The following NEDD4 variants were observed in gnomAD, a reference collection of about 807,000 sequenced individuals.
NEDD4 encodes E3 ubiquitin-protein ligase NEDD4.
A neutral mutation model predicts 144.9 loss-of-function variants in NEDD4; 99 were observed. The observed-to-expected ratio is 0.68, with a 90% CI of 0.58 to 0.81. NEDD4 has a LOEUF of 0.81. NEDD4 is among the 30% of genes least tolerant of loss of function. The probability of loss-of-function intolerance (pLI) is 0.00; values close to 1 mark genes in which losing one functional copy is unlikely to be tolerated. For missense variants in NEDD4, 985 were observed against 1,065.9 expected (o/e 0.92, Z 1.06); for synonymous variants, 318 against 350.6 (o/e 0.91, Z 1.04).
chr15:55,967,088 T>A (rs1196582605), intron 1 of NEDD4, among the ~76,000 whole-genome samples: 2 of 152,160 alleles, frequency 1.3e-5, no homozygotes, highest in Non-Finnish European at 2.9e-5. Context: ...GGTTTCACCA[T>A]TGGCTGGGCT....
intron 13 of NEDD4, 117 bp downstream of exon 13, chr15:55,852,307 A>T (rs1354078583): frequency 1.8e-5 from 22 of 1,232,816 alleles, no homozygotes; most frequent in Non-Finnish European, 2.3e-5. Context: ...AAAAAATAAA[A>T]AAAAAAAAGA....
chr15:55,918,551 A>T (rs886969691), intron 5 of NEDD4, among the ~76,000 whole-genome samples: 7 of 151,510 alleles, frequency 4.6e-5, no homozygotes, highest in African/African-American at 1.7e-4. Context: ...TCCTAAGTAA[A>T]AGCAAATATG....
At chr15:55,872,163 G>GTAAA (rs2034823930) in intron 7 of NEDD4, among the ~76,000 whole-genome samples, 1 of 152,022 alleles carries the variant, frequency 6.6e-6, no homozygotes, top group African/African-American at 2.4e-5. Flanking sequence ...AGTCTGATAA[G>GTAAA]TATTAGGAGA....
Position 55,842,136 on chromosome 15 carries a change from T to C in NEDD4, c.1636A>G (p.Lys546Glu), listed in dbSNP as rs530017275. 1 of 1,614,184 alleles carries C rather than the reference T, an allele frequency of 6.2e-7. No homozygotes were observed. Among genetic ancestry groups the C allele is most frequent in the South Asian group, 1.1e-5 (1 of 91,080 alleles). ...QNDIPNKFEMKLRRATVLEDS... is the reference protein window; with the variant it reads ...QNDIPNKFEMELRRATVLEDS... ...TCAAGAACAGTTGCTCGGCGAAGTTTCATTTCAAATTTGTTTGGAATGTCA... is the reference window on the plus strand; with the variant it reads ...TCAAGAACAGTTGCTCGGCGAAGTTCCATTTCAAATTTGTTTGGAATGTCA... The change falls in exon 19 of 29, where the codon AAA (lysine) becomes GAA (glutamate). Residue 546 changes from lysine to glutamate, a missense_variant. Physicochemically the swap from Lys to Glu is moderately conservative, Grantham distance 56. Coordinates refer to ENST00000435532, the MANE Select transcript of NEDD4 (RefSeq NM_006154.4).
At chr15:55,929,567 T>C (rs2036741087) in intron 4 of NEDD4, among the ~76,000 whole-genome samples, 2 of 152,168 alleles carry the variant, frequency 1.3e-5, no homozygotes, top group African/African-American at 4.8e-5. Flanking sequence ...CTTCCACTTA[T>C]AAGTGAGAAC....
intron 19 of NEDD4, among the ~76,000 whole-genome samples, chr15:55,841,624 C>T (rs1365875348): frequency 6.6e-6 from 1 of 152,126 alleles, no homozygotes; most frequent in Non-Finnish European, 1.5e-5. Flanking sequence ...GCTCTGTTGC[C>T]CAGGCTGGAG....
intron 26 of NEDD4, 43 bp from the exon 27 acceptor site, chr15:55,833,147 AGAG>A (rs763441769): frequency 2.4e-6 from 3 of 1,230,392 alleles, no homozygotes; most frequent in Non-Finnish European, 3.5e-6. Flanking sequence ...GCACTGGGAA[AGAG>A]GTAAACAAAT....
chr15:55,953,830 C>T (rs985736660), intron 2 of NEDD4, among the ~76,000 whole-genome samples: 1 of 152,198 alleles, frequency 6.6e-6, no homozygotes, highest in South Asian at 2.1e-4. Flanking sequence ...AAGCAATTCT[C>T]CTGCCTCAGC....
At chr15:55,838,729 TACAC>T in intron 21 of NEDD4, 125 bp from the exon 22 acceptor site, 4 of 615,978 alleles carry the variant, frequency 6.5e-6, no homozygotes, top group Non-Finnish European at 1.1e-5. Flanking sequence ...ATCCTTTACT[TACAC>T]ACATATATAA....
intron 1 of NEDD4, 140 bp downstream of exon 1, chr15:55,993,371 C>G (rs28567395): frequency 1.9e-6 from 2 of 1,051,746 alleles, no homozygotes; most frequent in Non-Finnish European, 2.6e-6. Context: ...CGCGGCGCCT[C>G]GCGCGCTCCC....
At chr15:55,955,118 C>G (rs562732402) in intron 2 of NEDD4, among the ~76,000 whole-genome samples, 1 of 151,446 alleles carries the variant, frequency 6.6e-6, no homozygotes, top group African/African-American at 2.4e-5. Context: ...GCCTCCCGGG[C>G]TCAAGCAATC....
Position 55,840,592 on chromosome 15 carries a change from T to C in NEDD4, c.1960+14A>G. On this transcript the variant is annotated intron_variant, in intron 20 of 28. Coordinates refer to ENST00000435532, the MANE Select transcript of NEDD4 (RefSeq NM_006154.4). ...AGGTAATTATATTGTAAAAAGTTTA[T>C]ACTTAATACTAACCATCCAACAGTT... The C allele has an allele frequency of 6.2e-7, 1 of 1,613,804 alleles. No homozygotes were observed. The highest frequency in any genetic ancestry group is 1.3e-5 in the African/African-American group (1 of 75,040).
At chr15:55,876,882 T>C (rs2035013573) in intron 5 of NEDD4, among the ~76,000 whole-genome samples, 1 of 151,966 alleles carries the variant, frequency 6.6e-6, no homozygotes, top group African/African-American at 2.4e-5. Context: ...TTTTCTTTTT[T>C]TTTAAAGAGA....
intron 4 of NEDD4, among the ~76,000 whole-genome samples, chr15:55,927,947 T>C (rs563770681): frequency 3.3e-5 from 5 of 152,326 alleles, no homozygotes; most frequent in African/African-American, 4.8e-5. Flanking sequence ...TTAATGAATA[T>C]TGCTAAGAAA....
In NEDD4 at chr15:55,839,981, AAAAAAAAAAAAAAAAAAAATAT is replaced by A. The variant is rs1287466786; in HGVS notation, c.2031+444_2031+465del. Among the ~76,000 whole-genome samples, 36 of 35,670 alleles carry A rather than the reference AAAAAAAAAAAAAAAAAAAATAT, an allele frequency of 1.0e-3. 1 individual carries two copies. Among genetic ancestry groups the A allele is most frequent in the African/African-American group, 3.6e-3 (36 of 10,066 alleles). 23.4% of individuals were successfully genotyped at this position (35,670 alleles called of 152,430 possible). On this transcript the variant is annotated intron_variant, in intron 21 of 28. Coordinates refer to ENST00000435532, the MANE Select transcript of NEDD4 (RefSeq NM_006154.4). ...AGAGTGACACTCTGTCTCAAAAAAA[AAAAAAAAAAAAAAAAAAAATAT>A]ATATATATATATATATATATATATA...
At chr15:55,884,045 A>G (rs1912399) in intron 5 of NEDD4, among the ~76,000 whole-genome samples, 61,489 of 151,758 alleles carry the variant, frequency 0.41, 12,698 homozygotes, top group East Asian at 0.49. Flanking sequence ...ATGTCTGGCT[A>G]ATGTTTGTAT....
At chr15:55,872,524 C>A in intron 6 of NEDD4, 48 bp from the exon 7 acceptor site, 3 of 847,138 alleles carry the variant, frequency 3.5e-6, no homozygotes, top group Non-Finnish European at 1.7e-6. Context: ...ACACCAAAAG[C>A]ATGTACTTTT....
At chr15:55,902,949 C>G (rs912029247) in intron 5 of NEDD4, among the ~76,000 whole-genome samples, 1 of 151,940 alleles carries the variant, frequency 6.6e-6, no homozygotes, top group Non-Finnish European at 1.5e-5. Context: ...TGCAGTGAAC[C>G]GAGATCGTGC....
At chr15:55,924,464 A>C (rs1352180948) in intron 5 of NEDD4, 182 bp downstream of exon 5, 2 of 569,734 alleles carry the variant, frequency 3.5e-6, no homozygotes, top group African/African-American at 3.8e-5. Flanking sequence ...AGGAGAATGG[A>C]AAGGGAGCGA....
Sources: gnomAD v4.1 joint callset for allele counts (sites outside exome capture counted in the v4.1 genomes callset) on GRCh38, gnomAD v4.1.1 for gene constraint, MANE v1.5 for transcripts, NCBI Gene and HGNC (gene_info 2026-07-23, HGNC 2026-07-21) for gene names.